BTBD9: variants seen among roughly 807,000 people sequenced by gnomAD.
BTBD9 encodes BTB/POZ domain-containing protein 9.
A neutral mutation model predicts 64.3 loss-of-function variants in BTBD9; 49 were observed. That is an observed-to-expected ratio of 0.76 (90% CI 0.61 to 0.97). BTBD9 has a LOEUF of 0.97. BTBD9 is among the 50% of genes least tolerant of loss of function. The pLI is 0.00. For missense variants in BTBD9, 598 were observed against 762.1 expected, an observed-to-expected ratio of 0.78 and a Z score of 2.53; for synonymous variants, 260 against 274.7, an observed-to-expected ratio of 0.95 and a Z score of 0.53.
intron 9 of BTBD9, among the ~76,000 whole-genome samples, chr6:38,250,490 C>T (rs779693659): frequency 6.6e-6 from 1 of 152,164 alleles, no homozygotes; most frequent in African/African-American, 2.4e-5. Context: ...TTCCCTAACT[C>T]TAGATCCAAC....
chr6:38,435,992 T>C (rs1768719460), intron 6 of BTBD9, among the ~76,000 whole-genome samples: 5 of 151,666 alleles, frequency 3.3e-5, no homozygotes, highest in Admixed American at 3.3e-4. Context: ...GGTATAACCA[T>C]AGGCCCAAGG....
At chr6:38,391,841 C>T (rs1390425734) in intron 6 of BTBD9, among the ~76,000 whole-genome samples, 1 of 152,122 alleles carries the variant, frequency 6.6e-6, no homozygotes, top group African/African-American at 2.4e-5. Context: ...CCTCTTACAG[C>T]GCCTCTCTCT....
intron 1 of BTBD9, among the ~76,000 whole-genome samples, chr6:38,598,614 T>A (rs757634386): frequency 6.6e-6 from 1 of 152,080 alleles, no homozygotes. Context: ...CTCAAATATT[T>A]CATTTAAAAA....
At chr6:38,531,346 A>G (rs1773792987) in intron 6 of BTBD9, among the ~76,000 whole-genome samples, 1 of 152,260 alleles carries the variant, frequency 6.6e-6, no homozygotes, top group African/African-American at 2.4e-5. Flanking sequence ...CTCAGCAAAA[A>G]TATCATTCAA....
intron 7 of BTBD9, among the ~76,000 whole-genome samples, chr6:38,295,972 T>C (rs1762144399): frequency 6.6e-6 from 1 of 152,080 alleles, no homozygotes; most frequent in Admixed American, 6.6e-5. Context: ...CGCTTGAACT[T>C]GGGAAGTTAA....
intron 5 of BTBD9, among the ~76,000 whole-genome samples, chr6:38,578,808 G>A (rs899134374): frequency 4.6e-5 from 7 of 152,136 alleles, no homozygotes; most frequent in East Asian, 3.8e-4. Context: ...TAAATCCCCC[G>A]TGAATGTAAT....
intron 6 of BTBD9, among the ~76,000 whole-genome samples, chr6:38,504,992 T>C (rs759453721): frequency 6.6e-6 from 1 of 152,232 alleles, no homozygotes; most frequent in African/African-American, 2.4e-5. Context: ...ATAGACACTT[T>C]TCTGACTCTA....
intron 6 of BTBD9, among the ~76,000 whole-genome samples, chr6:38,431,042 G>A (rs916653977): frequency 1.4e-4 from 21 of 151,830 alleles, no homozygotes; most frequent in Non-Finnish European, 3.1e-4. Context: ...TTGACTCTAC[G>A]CCTTTGTCTT....
chr6:38,180,467 C>G (rs1008383029), intron 10 of BTBD9, among the ~76,000 whole-genome samples: 3 of 152,148 alleles, frequency 2.0e-5, no homozygotes, highest in Non-Finnish European at 4.4e-5. Flanking sequence ...TGTGGCCCTC[C>G]CCTTCCCACC....
chr6:38,364,351 C>G (rs1269154274), intron 6 of BTBD9, among the ~76,000 whole-genome samples: 3 of 152,136 alleles, frequency 2.0e-5, no homozygotes, highest in African/African-American at 7.2e-5. Context: ...TTGCTTCCTC[C>G]TTTGGTTCAG....
intron 7 of BTBD9, among the ~76,000 whole-genome samples, chr6:38,300,039 G>T (rs1002520799): frequency 6.6e-5 from 10 of 152,172 alleles, no homozygotes; most frequent in African/African-American, 2.4e-4. Flanking sequence ...TTTGTATAAG[G>T]TGTAAGGAAG....
intron 7 of BTBD9, among the ~76,000 whole-genome samples, chr6:38,336,761 C>G (rs889644421): frequency 3.9e-5 from 6 of 152,164 alleles, no homozygotes; most frequent in Non-Finnish European, 5.9e-5. Flanking sequence ...GTTCAGTGTT[C>G]CTACAGCATC....
chr6:38,602,549 G>A (rs1272893091), intron 1 of BTBD9, among the ~76,000 whole-genome samples: 2 of 151,988 alleles, frequency 1.3e-5, no homozygotes, highest in African/African-American at 2.4e-5. Flanking sequence ...CAAGGGTTAA[G>A]TCACTAGACT....
At chr6:38,314,584 G>A (rs1490670289) in intron 7 of BTBD9, among the ~76,000 whole-genome samples, 1 of 151,942 alleles carries the variant, frequency 6.6e-6, no homozygotes, top group African/African-American at 2.4e-5. Context: ...GAAGCACTTG[G>A]GTCCTGGGCT....
chr6:38,373,847 G>A (rs547908120), intron 6 of BTBD9, among the ~76,000 whole-genome samples: 12 of 151,938 alleles, frequency 7.9e-5, no homozygotes, highest in Non-Finnish European at 1.6e-4. Context: ...GTTAACATTG[G>A]TTTAAAATTC....
Position 38,389,718 on chromosome 6 carries a change from T to TA in BTBD9, c.1155-44626dup, listed in dbSNP as rs1439404356. Among the ~76,000 whole-genome samples the TA allele has an allele frequency of 3.9e-5, 6 of 152,282 alleles. No homozygotes were observed. In the East Asian group the frequency reaches 1.2e-3, roughly 29 times the overall value. ...TTACGTGAAAAAAGAAAATATTGAA[T>TA]AAAAAAATCAGCTGTCTTAATTTGG... On this transcript the variant is annotated intron_variant, in intron 6 of 10. Coordinates refer to ENST00000481247, the MANE Select transcript of BTBD9 (RefSeq NM_001099272.2).
In BTBD9 at chr6:38,175,095, T is replaced by C; in HGVS notation, c.1729A>G (p.Ser577Gly). 1.2e-6 allele frequency: 2 copies of C among 1,614,252 alleles called. No individual in the cohort carries two copies. Among genetic ancestry groups the C allele is most frequent in the Non-Finnish European group, 8.5e-7 (1 of 1,180,040 alleles). The change falls in exon 11 of 11, where the codon AGC becomes GGC. Residue 577 changes from serine to glycine, a missense_variant. By Grantham distance (56) the Ser-to-Gly change is moderately conservative. Coordinates refer to ENST00000481247, the MANE Select transcript of BTBD9 (RefSeq NM_001099272.2). ...GAGTCGAGCTGCTGACCGGCCAGGC[T>C]GGTGTCCCCTGTCCCCGATTCCTCA... is the stretch of plus-strand genomic sequence containing the variant. ...NSEESGTGDT[S>G]LAGQQLDSHA...
intron 7 of BTBD9, among the ~76,000 whole-genome samples, chr6:38,324,762 T>C (rs1763358485): frequency 6.6e-6 from 1 of 152,174 alleles, no homozygotes; most frequent in Non-Finnish European, 1.5e-5. Context: ...CAAAATTAAA[T>C]ATGTGCATAC....
At chr6:38,563,531 C>T (rs1383584953) in intron 6 of BTBD9, among the ~76,000 whole-genome samples, 2 of 152,016 alleles carry the variant, frequency 1.3e-5, no homozygotes, top group Non-Finnish European at 2.9e-5. Flanking sequence ...GATCATGTCA[C>T]ATCCCTCAAT....
Sources: allele counts gnomAD v4.1 joint callset (sites outside exome capture counted in the v4.1 genomes callset), GRCh38; gene constraint gnomAD v4.1.1; transcripts MANE v1.5; gene names NCBI Gene and HGNC (gene_info 2026-07-23, HGNC 2026-07-21).